The following HNF4A variants were observed in gnomAD, a reference collection of about 807,000 sequenced individuals.
HNF4A encodes hepatocyte nuclear factor 4-alpha.
In HNF4A, 15 loss-of-function variants were observed where a neutral mutation model predicts 52.4. The ratio of observed to expected loss-of-function variants is 0.29; its 90% CI spans 0.19 to 0.44. The LOEUF (loss-of-function observed/expected upper bound fraction) is 0.44, where lower values mean the gene tolerates loss of function less well. Ranked by LOEUF, HNF4A falls within the 20% of genes least tolerant of loss-of-function variation. The pLI, the probability that HNF4A is intolerant of heterozygous loss-of-function variation, is 1.00. For synonymous variants in HNF4A, 280 were observed against 264.4 expected (o/e 1.06, Z -0.57); for missense variants, 479 against 647.2 (o/e 0.74, Z 2.82).
chr20:44,381,562 C>T (rs1036847172), intron 1 of HNF4A, among the ~76,000 whole-genome samples: 3 of 152,036 alleles, frequency 2.0e-5, no homozygotes, highest in African/African-American at 7.2e-5. Context: ...AGATTACAGG[C>T]GTGAGCCACT....
intron 1 of HNF4A, among the ~76,000 whole-genome samples, chr20:44,358,862 G>A (rs771064607): frequency 4.6e-5 from 7 of 152,102 alleles, no homozygotes; most frequent in Non-Finnish European, 1.0e-4. Context: ...AGAAATCCTC[G>A]TTGTGGTTTC....
intron 5 of HNF4A, among the ~76,000 whole-genome samples, chr20:44,416,461 G>A (rs537493071): frequency 3.3e-4 from 50 of 152,372 alleles, no homozygotes; most frequent in African/African-American, 1.2e-3. Flanking sequence ...TCCGCTTCGC[G>A]ATGTGAAGGC....
rs111839065 is a variant in HNF4A, at chr20:44,413,261, T to C, written c.386-433T>C. Among the ~76,000 whole-genome samples, 907 of 152,302 alleles carry C rather than the reference T, an allele frequency of 6.0e-3. 4 individuals are homozygous for C. The highest frequency in any genetic ancestry group is 0.019 in the African/African-American group (782 of 41,548). On this transcript the variant is annotated intron_variant, in intron 3 of 9. Transcript: ENST00000316099. ...CAAGGCAGTTGGAGCCCCCAGATCCTCTTGTTCAGGAATCCCCAGGCCATC... is the reference window on the plus strand; with the variant it reads ...CAAGGCAGTTGGAGCCCCCAGATCCCCTTGTTCAGGAATCCCCAGGCCATC...
chr20:44,366,845 A>G (rs931106819), intron 1 of HNF4A, among the ~76,000 whole-genome samples: 2 of 152,214 alleles, frequency 1.3e-5, no homozygotes, highest in Non-Finnish European at 2.9e-5. Flanking sequence ...TTATAGATAA[A>G]TAAAGTACAG....
upstream of HNF4A, among the ~76,000 whole-genome samples, chr20:44,400,276 C>T (rs193279701): frequency 2.0e-5 from 3 of 152,084 alleles, no homozygotes; most frequent in Non-Finnish European, 2.9e-5. Context: ...ACAAAGCCCA[C>T]TCTGAAGGTA....
chr20:44,361,050 A>G (rs75684081), intron 1 of HNF4A, among the ~76,000 whole-genome samples: 24,601 of 152,098 alleles, frequency 0.16, 2,397 homozygotes, highest in Middle Eastern at 0.26. Flanking sequence ...ATATCAGGCT[A>G]TGGCTGTTCC....
intron 1 of HNF4A, among the ~76,000 whole-genome samples, chr20:44,388,475 A>G (rs553656239): frequency 6.7e-6 from 1 of 148,908 alleles, no homozygotes; most frequent in South Asian, 2.1e-4. Flanking sequence ...TTAAAATCTT[A>G]CGTTCTGATT....
At chr20:44,421,143 T>C (rs2063739000) in intron 7 of HNF4A, among the ~76,000 whole-genome samples, 1 of 152,216 alleles carries the variant, frequency 6.6e-6, no homozygotes, top group Admixed American at 6.5e-5. Flanking sequence ...TATGTGCTTT[T>C]ATCTTTCCTT....
Position 44,387,288 on chromosome 20 carries a change from T to TAA in HNF4A, c.50-18746_50-18745dup, listed in dbSNP as rs537843651. Among the ~76,000 whole-genome samples, 408 of 81,958 alleles carry TAA rather than the reference T, an allele frequency of 5.0e-3. 4 individuals are homozygous for TAA. Among genetic ancestry groups the TAA allele is most frequent in the African/African-American group, 0.018 (388 of 21,844 alleles). 53.8% of individuals were successfully genotyped at this position (81,958 alleles called of 152,430 possible). On this transcript the variant is annotated intron_variant, in intron 1 of 9. Transcript: ENST00000316673. ...GAGTGACAAGAGCGAAACTTCATCT[T>TAA]AAAAAAAAAAAAAAAAAAAAAAAAA...
rs531005373 is a variant in HNF4A at position 44,381,768 on chromosome 20, G to A, written c.50-24290G>A. Among the ~76,000 whole-genome samples the A allele has an allele frequency of 9.9e-5, 15 of 151,952 alleles. No homozygotes were observed. In the South Asian group the frequency reaches 2.3e-3, roughly 23 times the overall value. ...TGGGATTACAGGTGACTGCCACCAC[G>A]CCCGGCTAATTTTTGTGTTTTTAGT... is the stretch of plus-strand genomic sequence containing the variant. On this transcript the variant is annotated intron_variant, in intron 1 of 9. Transcript: ENST00000316673.
At chr20:44,428,235 G>T in intron 8 of HNF4A, 100 bp from the exon 9 acceptor site, 2 of 1,221,406 alleles carry the variant, frequency 1.6e-6, no homozygotes, top group South Asian at 2.4e-5. Flanking sequence ...GCCAATATTG[G>T]ATGGGCTGGT....
Position 44,414,675 on chromosome 20 carries a change from G to A in HNF4A, c.648+13G>A, listed in dbSNP as rs201219009. The A allele has an allele frequency of 5.4e-5, 86 of 1,590,984 alleles. No homozygotes were observed. The highest frequency in any genetic ancestry group is 2.4e-4 in the African/African-American group (18 of 74,810). On this transcript the variant is annotated intron_variant, in intron 5 of 9. Coordinates refer to ENST00000316099, the MANE Select transcript of HNF4A (RefSeq NM_000457.6). Reference sequence around the variant, plus strand: ...CCTGGACGACCAGGTGAGGATGGGCGTGGATGGTGGGCAGTAGTGGGCAGT... The same window carrying A: ...CCTGGACGACCAGGTGAGGATGGGCATGGATGGTGGGCAGTAGTGGGCAGT...
intron 1 of HNF4A, among the ~76,000 whole-genome samples, chr20:44,379,723 TCTTTTC>T (rs2063129840): frequency 6.8e-6 from 1 of 146,540 alleles, no homozygotes; most frequent in East Asian, 2.1e-4. Flanking sequence ...GGATAATTTT[TCTTTTC>T]CTTTTTTTTT....
intron 1 of HNF4A, chr20:44,392,252 A>G (rs565955914): frequency 6.6e-6 from 1 of 151,942 alleles, no homozygotes; most frequent in African/African-American, 2.4e-5. Context: ...TGGCATTTTG[A>G]TTTTGTGAGG....
chr20:44,428,654 G>A (rs2063841019), intron 9 of HNF4A, among the ~76,000 whole-genome samples, 167 bp downstream of exon 9: 2 of 152,226 alleles, frequency 1.3e-5, no homozygotes, highest in Admixed American at 1.3e-4. Context: ...TGTTTATTCA[G>A]TAAGGTGACT....
chr20:44,427,509 G>A (rs6031598), intron 8 of HNF4A, among the ~76,000 whole-genome samples: 39 of 152,088 alleles, frequency 2.6e-4, no homozygotes, highest in Admixed American at 1.2e-3. Flanking sequence ...TGTAGAGATC[G>A]CTTGCAAGCG....
intron 1 of HNF4A, among the ~76,000 whole-genome samples, chr20:44,376,147 C>T (rs112364293): frequency 0.017 from 2,599 of 152,240 alleles, 77 homozygotes; most frequent in African/African-American, 0.06. Flanking sequence ...CACCTGTAAT[C>T]CTAGCTACTC....
Position 44,429,922 on chromosome 20 carries a change from T to A in HNF4A, c.*257T>A, listed in dbSNP as rs936439442. On this transcript the variant is annotated 3_prime_UTR_variant, in exon 10 of 10. Coordinates refer to ENST00000316099, the MANE Select transcript of HNF4A (RefSeq NM_000457.6). ...ACAACTTTTCTCATGTTGAAGCCAC[T>A]GCCTTCACCTTCACCTTCATCCATG... 1.9e-6 allele frequency: 1 copy of A among 522,530 alleles called. No homozygotes were observed. Among genetic ancestry groups the A allele is most frequent in the Non-Finnish European group, 3.4e-6 (1 of 291,870 alleles). The allele number at this position is 522,530 out of a possible 1,614,324, so 32.4% of individuals were successfully genotyped here. A position where few individuals can be genotyped will look rare whatever the true frequency, so the allele number is the denominator to read the frequency against.
rs373401166 is a variant in HNF4A at position 44,428,130 on chromosome 20, G to T, written c.1130-205G>T. ...CTTTCAACTCACTTTTGTTCTCTTG[G>T]TTTTTTGGGGTCCTCTTAACACCCT... is the stretch of plus-strand genomic sequence containing the variant. On this transcript the variant is annotated intron_variant, in intron 8 of 9. Transcript: ENST00000316099. Among the ~76,000 whole-genome samples, 20 of 152,232 alleles carry T rather than the reference G, an allele frequency of 1.3e-4. No homozygotes were observed. In the East Asian group the frequency reaches 3.1e-3, roughly 23 times the overall value.
Sources: gnomAD v4.1 joint callset for allele counts (sites outside exome capture counted in the v4.1 genomes callset) on GRCh38, gnomAD v4.1.1 for gene constraint, MANE v1.5 for transcripts, NCBI Gene and HGNC (gene_info 2026-07-23, HGNC 2026-07-21) for gene names.